The following NEK1 variants were observed in gnomAD, a reference collection of about 807,000 sequenced individuals.
NEK1 encodes the protein NIMA related kinase 1.
A neutral mutation model predicts 182.1 loss-of-function variants in NEK1; 137 were observed. The observed-to-expected ratio is 0.75, with a 90% CI of 0.65 to 0.87. NEK1 has a LOEUF of 0.87. NEK1 is among the 40% of genes least tolerant of loss of function. The probability of loss-of-function intolerance (pLI) is 0.00; values close to 1 mark genes in which losing one functional copy is unlikely to be tolerated. For synonymous variants in NEK1, 513 were observed against 492.2 expected (o/e 1.04, Z -0.56); for missense variants, 1,391 against 1,494.4 (o/e 0.93, Z 1.14).
At chr4:169,529,506 T>C (rs964421869) in intron 19 of NEK1, among the ~76,000 whole-genome samples, 1 of 152,142 alleles carries the variant, frequency 6.6e-6, no homozygotes, top group African/African-American at 2.4e-5. Flanking sequence ...AAAATCTTCA[T>C]GATTGTTGGA....
At chr4:169,497,409 T>C (rs1462826697) in intron 23 of NEK1, among the ~76,000 whole-genome samples, 2 of 152,220 alleles carry the variant, frequency 1.3e-5, no homozygotes, top group African/African-American at 4.8e-5. Context: ...TTTCCTTCAG[T>C]TCTGCTCTGA....
rs143100689 is a variant in NEK1, at chr4:169,440,989, C to A, written c.2588-2730G>T. On this transcript the variant is annotated intron_variant, in intron 27 of 35. Transcript: ENST00000507142. ...CCCTGAATCTCCACACCCCTGGAGC[C>A]CTACTGACATTTACTCCATGTCCAC... is the stretch of plus-strand genomic sequence containing the variant. Among the ~76,000 whole-genome samples the A allele has an allele frequency of 2.1e-3, 313 of 152,310 alleles. 3 individuals carry two copies. The highest frequency in any genetic ancestry group is 1.2e-3 in the Non-Finnish European group (80 of 68,030).
intron 27 of NEK1, among the ~76,000 whole-genome samples, chr4:169,451,106 C>G (rs1404735058): frequency 4.6e-5 from 7 of 152,142 alleles, no homozygotes; most frequent in Admixed American, 4.6e-4. Flanking sequence ...TATATATGCA[C>G]CCAATACAGG....
rs376480773 is a variant in NEK1 at position 169,545,759 on chromosome 4, A to G, written c.1563-7848T>C. Among the ~76,000 whole-genome samples the G allele has an allele frequency of 3.2e-4, 49 of 152,098 alleles. 1 individual carries two copies. Among genetic ancestry groups the G allele is most frequent in the Admixed American group, 2.6e-3 (39 of 15,262 alleles). Reference sequence around the variant, plus strand: ...ATTGCCATTCTAACTGGTGTGAGATAATATCTCATAGTGGTTTTGATTTGC... The same window carrying G: ...ATTGCCATTCTAACTGGTGTGAGATGATATCTCATAGTGGTTTTGATTTGC... On this transcript the variant is annotated intron_variant, in intron 18 of 35. Transcript: ENST00000507142.
intron 11 of NEK1, among the ~76,000 whole-genome samples, chr4:169,577,539 G>A (rs201072558): frequency 2.4e-4 from 37 of 152,088 alleles, no homozygotes; most frequent in African/African-American, 8.2e-4. Context: ...AGGCCGAGGC[G>A]GGTGGATCAC....
rs1279022505 is a variant in NEK1, at chr4:169,393,954, CTGAT to C, written c.*552_*555del. 7.9e-5 allele frequency: 12 copies of C among 152,198 alleles called. No homozygotes were observed. The highest frequency in any genetic ancestry group is 2.9e-4 in the African/African-American group (12 of 41,460). 9.4% of individuals were successfully genotyped at this position (152,198 alleles called of 1,614,324 possible). A position where few individuals can be genotyped will look rare whatever the true frequency, so the allele number is the denominator to read the frequency against. On this transcript the variant is annotated 3_prime_UTR_variant, in exon 36 of 36. Coordinates refer to ENST00000507142, the MANE Select transcript of NEK1 (RefSeq NM_001199397.3). ...CCTGTGTGCTAGTTCAGGAGACACA[CTGAT>C]TGTAAAAGGACTTGAGAATATAAAC... is the stretch of plus-strand genomic sequence containing the variant.
intron 18 of NEK1, among the ~76,000 whole-genome samples, chr4:169,540,143 C>T (rs1030856098): frequency 3.9e-5 from 6 of 152,078 alleles, no homozygotes; most frequent in Admixed American, 3.3e-4. Flanking sequence ...CAAACACAAA[C>T]TTAATAACTG....
intron 32 of NEK1, among the ~76,000 whole-genome samples, chr4:169,402,650 C>T (rs913477770): frequency 2.6e-5 from 4 of 152,066 alleles, no homozygotes; most frequent in African/African-American, 7.2e-5. Flanking sequence ...GTTTTTTAAA[C>T]ATTTTTATCC....
intron 31 of NEK1, among the ~76,000 whole-genome samples, chr4:169,419,166 G>A (rs986771630): frequency 6.6e-6 from 1 of 151,930 alleles, no homozygotes; most frequent in African/African-American, 2.4e-5. Flanking sequence ...TGATAAAAAG[G>A]AAACTGTAAA....
At chr4:169,561,382 A>G in intron 16 of NEK1, 98 bp downstream of exon 16, 2 of 1,036,338 alleles carry the variant, frequency 1.9e-6, no homozygotes, top group Non-Finnish European at 3.0e-6. Flanking sequence ...ATTGTACACT[A>G]AAGAAAGAAA....
chr4:169,510,180 C>T (rs892774407), intron 19 of NEK1, among the ~76,000 whole-genome samples: 1 of 152,052 alleles, frequency 6.6e-6, no homozygotes, highest in Non-Finnish European at 1.5e-5. Context: ...TTTGCTGGCC[C>T]TCCTTCTCTT....
At chr4:169,502,515 C>T (rs1258353755) in intron 23 of NEK1, among the ~76,000 whole-genome samples, 1 of 151,996 alleles carries the variant, frequency 6.6e-6, no homozygotes, top group African/African-American at 2.4e-5. Context: ...TCCAGTAGCA[C>T]ATTAAAATGA....
At position 169,401,719 on chromosome 4, in the gene NEK1, C is replaced by T. The variant is rs1731725414; in HGVS notation, c.3516G>A (p.Gly1172=). The T allele has an allele frequency of 1.9e-6, 3 of 1,613,848 alleles. No individual in the cohort carries two copies. Among genetic ancestry groups the T allele is most frequent in the Admixed American group, 1.7e-5 (1 of 60,010 alleles). ...TGTCATCTTCATCTGCCACATCTGT[C>T]CCATTTGCAGTTGGCTCCACATCAC... The part of the protein sequence containing the change: ...KNSDVEPTAN[G]TDVADEDDNP... Residue 1172 remains glycine (G), a synonymous_variant, in exon 33 of 36, where the codon GGG becomes GGA. Coordinates refer to ENST00000507142, the MANE Select transcript of NEK1 (RefSeq NM_001199397.3).
chr4:169,464,357 G>A (rs1201544088), intron 26 of NEK1, among the ~76,000 whole-genome samples: 1 of 152,094 alleles, frequency 6.6e-6, no homozygotes, highest in Non-Finnish European at 1.5e-5. Flanking sequence ...TCATTTTATG[G>A]GCAAAAAGAA....
At chr4:169,447,484 G>C (rs1008180132) in intron 27 of NEK1, among the ~76,000 whole-genome samples, 1 of 152,168 alleles carries the variant, frequency 6.6e-6, no homozygotes, top group South Asian at 2.1e-4. Flanking sequence ...AAATTCACCA[G>C]TAATAGTAAG....
intron 23 of NEK1, among the ~76,000 whole-genome samples, chr4:169,483,215 C>G (rs998015918): frequency 6.6e-6 from 1 of 152,166 alleles, no homozygotes; most frequent in Non-Finnish European, 1.5e-5. Context: ...GCAATTAGAA[C>G]ACACACATTC....
At chr4:169,443,151 C>T (rs1739846769) in intron 27 of NEK1, among the ~76,000 whole-genome samples, 1 of 151,466 alleles carries the variant, frequency 6.6e-6, no homozygotes, top group Non-Finnish European at 1.5e-5. Flanking sequence ...TCTGTCTCTA[C>T]ACAAAATAAA....
At position 169,422,931 on chromosome 4, in the gene NEK1, TTCTC is replaced by T. The variant is rs1209451574; in HGVS notation, c.3222+1618_3222+1621del. Among the ~76,000 whole-genome samples the T allele has an allele frequency of 2.6e-5, 4 of 152,304 alleles. No homozygotes were observed. In the East Asian group the frequency reaches 7.7e-4, roughly 29 times the overall value. Reference sequence around the variant, plus strand: ...TATGATAGTCCTTATCTATAGGCCTTTCTCTCTAACTCTGAAGATCATAAATTGG... The same window carrying T: ...TATGATAGTCCTTATCTATAGGCCTTTCTAACTCTGAAGATCATAAATTGG... On this transcript the variant is annotated intron_variant, in intron 31 of 35. Transcript: ENST00000507142.
At chr4:169,590,317 TAGATAGAC>T (rs1768238774) in intron 6 of NEK1, among the ~76,000 whole-genome samples, 1 of 139,772 alleles carries the variant, frequency 7.2e-6, no homozygotes. Context: ...TCAAAAACAA[TAGATAGAC>T]AGACAGACAG....
Sources: allele counts gnomAD v4.1 joint callset (sites outside exome capture counted in the v4.1 genomes callset), GRCh38; gene constraint gnomAD v4.1.1; transcripts MANE v1.5; gene names NCBI Gene and HGNC (gene_info 2026-07-23, HGNC 2026-07-21).